The following CLTC variants were observed in gnomAD, a reference collection of about 807,000 sequenced individuals.
The protein encoded by CLTC is clathrin heavy chain, also known as clathrin heavy chain 1.
A neutral mutation model predicts 195.8 loss-of-function variants in CLTC; 16 were observed. The ratio of observed to expected loss-of-function variants is 0.08; its 90% confidence interval spans 0.06 to 0.12. The LOEUF (loss-of-function observed/expected upper bound fraction) is 0.12. Among genes scored for constraint, CLTC ranks in the 10% least tolerant of loss-of-function variants. The pLI is 1.00. For synonymous variants in CLTC, 667 were observed against 689.4 expected (o/e 0.97, Z 0.51); for missense variants, 796 against 2,027.0 (o/e 0.39, Z 11.66).
At chr17:59,639,223 A>G (rs1021825860) in intron 1 of CLTC, among the ~76,000 whole-genome samples, 3 of 152,214 alleles carry the variant, frequency 2.0e-5, no homozygotes, top group African/African-American at 7.2e-5. Context: ...CATATGCTAC[A>G]GGATAACTCT....
chr17:59,659,492 C>T (rs1433201190), intron 6 of CLTC, among the ~76,000 whole-genome samples: 4 of 148,954 alleles, frequency 2.7e-5, no homozygotes, highest in Middle Eastern at 3.2e-3. Flanking sequence ...CCTCTGTTGC[C>T]CAGGCTGGAG....
At chr17:59,661,711 C>A in intron 8 of CLTC, 68 bp downstream of exon 8, 1 of 1,355,018 alleles carries the variant, frequency 7.4e-7, no homozygotes, top group East Asian at 2.3e-5. Context: ...AAGTTAAAAT[C>A]ATTTAGGCTG....
Position 59,685,837 on chromosome 17 carries a change from C to A in CLTC, c.4827+29C>A. 6.7e-7 allele frequency: 1 copy of A among 1,495,690 alleles called. No individual in the cohort carries two copies. The highest frequency in any genetic ancestry group is 9.1e-7 in the Non-Finnish European group (1 of 1,101,338). 92.7% of individuals were successfully genotyped at this position (1,495,690 alleles called of 1,614,324 possible). On this transcript the variant is annotated intron_variant, in intron 30 of 31. Coordinates refer to ENST00000269122, the MANE Select transcript of CLTC (RefSeq NM_004859.4). The surrounding 1 kb of genome is among the most constrained non-coding windows in gnomAD (Gnocchi z 5.0). ...ATGACTCTTCTAAGTGTATTCAGAA[C>A]TAGTTTCCTTGCATGTAAAATTCTA...
chr17:59,682,349 T>C lies in CLTC; in HGVS notation c.3521T>C (p.Ile1174Thr). Reference sequence around the variant, plus strand: ...GAGTCCTATGTGGAGACAGAACTGATATTCGCACTGGCTAAAACAAACCGC... The same window carrying C: ...GAGTCCTATGTGGAGACAGAACTGACATTCGCACTGGCTAAAACAAACCGC... The part of the protein sequence containing the change: ...ARESYVETEL[I>T]FALAKTNRLA... The change falls in exon 22 of 32, where the codon ATA (isoleucine) becomes ACA (threonine). Residue 1174 changes from isoleucine (I) to threonine (T), a missense_variant. By Grantham distance (89) the Ile-to-Thr change is moderately conservative (BLOSUM62 -1). Around this residue, in one of 9 missense-constraint regions of CLTC, gnomAD observed 50 missense variants for 77.2 expected, o/e 0.65. Transcript: ENST00000269122. This position sits in a 1 kb window ranked among gnomAD's most constrained non-coding sequence, Gnocchi z 6.8. The C allele has an allele frequency of 6.2e-7, 1 of 1,614,142 alleles. No homozygotes were observed. Among genetic ancestry groups the C allele is most frequent in the Non-Finnish European group, 8.5e-7 (1 of 1,180,006 alleles).
rs1408152208 is a variant in CLTC at position 59,648,627 on chromosome 17, A to G, written c.681+226A>G. Reference sequence around the variant, plus strand: ...TGGCTGTTTATATTCTTTGATTGCTAAAGTGCACATTTATATGCTGTACAT... The same window carrying G: ...TGGCTGTTTATATTCTTTGATTGCTGAAGTGCACATTTATATGCTGTACAT... On this transcript the variant is annotated intron_variant, in intron 4 of 31. Transcript: ENST00000269122. This position sits in a 1 kb window ranked among gnomAD's most constrained non-coding sequence, Gnocchi z 4.5. 6 of 493,682 alleles carry G rather than the reference A, an allele frequency of 1.2e-5. No individual in the cohort carries two copies. In the Admixed American group the frequency reaches 2.0e-4, roughly 17 times the overall value. The allele number at this position is 493,682 out of a possible 1,614,324, so 30.6% of individuals were successfully genotyped here.
chr17:59,684,800 C>G (rs1414178240), intron 28 of CLTC, among the ~76,000 whole-genome samples: 2 of 65,328 alleles, frequency 3.1e-5, no homozygotes, highest in African/African-American at 1.1e-4. Flanking sequence ...GAGGGAGACT[C>G]CATCTCAAAA....
At position 59,651,327 on chromosome 17, in the gene CLTC, C is replaced by A; in HGVS notation, c.795+11C>A. ...CCTGTTGCAATGCAGGTATTTTAAG[C>A]AAAATAAATGACTTTTTAAAAATCT... On this transcript the variant is annotated intron_variant, in intron 5 of 31. Transcript: ENST00000269122. 1.3e-6 allele frequency: 2 copies of A among 1,560,668 alleles called. No individual in the cohort carries two copies. The highest frequency in any genetic ancestry group is 1.8e-6 in the Non-Finnish European group (2 of 1,133,378).
At chr17:59,641,999 GTT>G (rs398031234) in intron 1 of CLTC, among the ~76,000 whole-genome samples, 148 of 128,634 alleles carry the variant, frequency 1.2e-3, no homozygotes, top group African/African-American at 2.6e-3. Flanking sequence ...AATCTTTGTT[GTT>G]TTTTTTTTTT....
rs371208527 is a variant in CLTC at position 59,677,102 on chromosome 17, G to A, written c.2710G>A (p.Val904Ile). 8.7e-6 allele frequency: 14 copies of A among 1,613,964 alleles called. No individual in the cohort carries two copies. The highest frequency in any genetic ancestry group is 1.1e-5 in the Non-Finnish European group (13 of 1,180,006). The change falls in exon 17 of 32, where the codon GTT becomes ATT. Residue 904 changes from valine to isoleucine, a missense_variant. Around this residue, in one of 9 missense-constraint regions of CLTC, gnomAD observed 160 missense variants for 448.2 expected, o/e 0.36. Transcript: ENST00000269122. ...LRENPYYDSR[V>I]VGKYCEKRDP... ...TGAAAATCCCTACTATGACAGTCGC[G>A]TTGTTGGAAAGTATTGTGAGAAGAG...
At chr17:59,667,848 G>A (rs956968818) in intron 13 of CLTC, among the ~76,000 whole-genome samples, 3 of 152,148 alleles carry the variant, frequency 2.0e-5, no homozygotes, top group Admixed American at 1.3e-4. Flanking sequence ...CTAACTTCTG[G>A]TCCCCAACTG....
chr17:59,677,789 T>C (rs2032999286), intron 17 of CLTC, among the ~76,000 whole-genome samples: 1 of 152,234 alleles, frequency 6.6e-6, no homozygotes, highest in African/African-American at 2.4e-5. Flanking sequence ...GACGCTGATA[T>C]CTTTGTAAAC....
chr17:59,637,781 T>A (rs1458503957), intron 1 of CLTC, among the ~76,000 whole-genome samples: 1 of 151,362 alleles, frequency 6.6e-6, no homozygotes, highest in Non-Finnish European at 1.5e-5. Flanking sequence ...TTATCAGTAG[T>A]TAAAAGAAAT....
intron 30 of CLTC, among the ~76,000 whole-genome samples, chr17:59,688,339 C>T (rs2033228390): frequency 6.6e-6 from 1 of 152,120 alleles, no homozygotes; most frequent in Admixed American, 6.5e-5. Flanking sequence ...TACTTTTCCT[C>T]TGCAGCACAT....
At chr17:59,659,959 T>C (rs1222568022) in intron 6 of CLTC, among the ~76,000 whole-genome samples, 3 of 152,220 alleles carry the variant, frequency 2.0e-5, no homozygotes, top group Non-Finnish European at 4.4e-5. Flanking sequence ...CATTTAGATA[T>C]CATAGCTTCT....
chr17:59,655,547 C>A (rs532861526), intron 5 of CLTC, among the ~76,000 whole-genome samples: 142 of 147,434 alleles, frequency 9.6e-4, no homozygotes, highest in African/African-American at 3.5e-3. Flanking sequence ...CATAAACCTT[C>A]CATTCGTAAA....
rs370700487 is a variant in CLTC at position 59,620,002 on chromosome 17, G to T, written c.-130G>T. On this transcript the variant is annotated 5_prime_UTR_variant, in exon 1 of 32. Transcript: ENST00000269122. Reference sequence around the variant, plus strand: ...TCTTTCGTCTGCCTGCCAGTTTCCTGCGTCCCCGGAGAGGATCCTGCTGAG... The same window carrying T: ...TCTTTCGTCTGCCTGCCAGTTTCCTTCGTCCCCGGAGAGGATCCTGCTGAG... The T allele has an allele frequency of 5.3e-6, 4 of 749,406 alleles. No individual in the cohort carries two copies. The highest frequency in any genetic ancestry group is 1.7e-5 in the South Asian group (1 of 57,682). 46.4% of individuals were successfully genotyped at this position (749,406 alleles called of 1,614,324 possible).
chr17:59,633,812 G>T (rs903769950), intron 1 of CLTC, among the ~76,000 whole-genome samples: 1 of 152,210 alleles, frequency 6.6e-6, no homozygotes, highest in Non-Finnish European at 1.5e-5. Context: ...ATATTAAGGA[G>T]ACTGTCCAGA....
chr17:59,636,446 T>G (rs1294756391), intron 1 of CLTC, among the ~76,000 whole-genome samples: 1 of 152,164 alleles, frequency 6.6e-6, no homozygotes, highest in Non-Finnish European at 1.5e-5. Context: ...TGCTGATGTG[T>G]TTTTTATTTT....
chr17:59,659,497 C>T (rs1234214418), intron 6 of CLTC, among the ~76,000 whole-genome samples: 1 of 149,218 alleles, frequency 6.7e-6, no homozygotes, highest in African/African-American at 2.5e-5. Context: ...GTTGCCCAGG[C>T]TGGAGTGCAG....
Sources: allele counts gnomAD v4.1 joint callset (sites outside exome capture counted in the v4.1 genomes callset), GRCh38; gene constraint gnomAD v4.1.1; regional missense constraint gnomAD v4.1.1; non-coding constraint Gnocchi (gnomAD v3.1); transcripts MANE v1.5; gene names NCBI Gene and HGNC (gene_info 2026-07-23, HGNC 2026-07-21).